Variants in ZFAND4 observed in about 807,000 individuals in gnomAD.
ZFAND4 encodes the protein AN1-type zinc finger protein 4.
A neutral mutation model predicts 64.4 loss-of-function variants in ZFAND4; 43 were observed. The observed-to-expected ratio is 0.67, with a 90% CI of 0.52 to 0.86. The LOEUF (loss-of-function observed/expected upper bound fraction) is 0.86, where lower values mean the gene tolerates loss of function less well. ZFAND4 is among the 40% of genes least tolerant of loss of function. The pLI is 0.00. For missense variants in ZFAND4, 929 were observed against 859.8 expected (o/e 1.08, Z -1.01); for synonymous variants, 296 against 305.7 (o/e 0.97, Z 0.33).
Position 45,626,953 on chromosome 10 carries a change from T to G in ZFAND4, c.870A>C (p.Glu290Asp), listed in dbSNP as rs2045877006. 1.2e-6 allele frequency: 2 copies of G among 1,614,062 alleles called. No individual in the cohort carries two copies. Among genetic ancestry groups the G allele is most frequent in the Admixed American group, 1.7e-5 (1 of 59,994 alleles). Residue 290 changes from glutamate (E) to aspartate (D), a missense_variant, in exon 7 of 10, where the codon GAA becomes GAC. Glu to Asp is a conservative substitution (Grantham distance 45, BLOSUM62 2). Transcript: ENST00000344646. The stretch of plus-strand genomic sequence containing the variant: ...AACTTGAAATTCCATTCCTGGAGAT[T>G]TCGGGCGGATATGCATTCCCAAAAG... ...SPAFGNAYPPEISRNGISSLA... is the reference protein window; with the variant it reads ...SPAFGNAYPPDISRNGISSLA...
intron 5 of ZFAND4, 73 bp from the exon 6 acceptor site, chr10:45,640,036 C>G (rs1014648119): frequency 1.3e-6 from 2 of 1,490,206 alleles, no homozygotes; most frequent in African/African-American, 2.8e-5. Context: ...CTATATGAAA[C>G]AGCAATCTAT....
chr10:45,651,615 GA>G (rs1307815266), intron 4 of ZFAND4: 1 of 476,404 alleles, frequency 2.1e-6, no homozygotes, highest in African/African-American at 2.0e-5. Context: ...ATCATCTTGG[GA>G]TTTGAAGATC....
intron 6 of ZFAND4, among the ~76,000 whole-genome samples, chr10:45,636,824 T>C (rs1319929569): frequency 1.3e-5 from 2 of 152,196 alleles, no homozygotes; most frequent in Non-Finnish European, 2.9e-5. Context: ...ACTGATTTTC[T>C]ATCTGTTCCA....
At chr10:45,658,938 G>A (rs1008495222) in intron 2 of ZFAND4, among the ~76,000 whole-genome samples, 4 of 152,184 alleles carry the variant, frequency 2.6e-5, no homozygotes, top group Admixed American at 2.0e-4. Flanking sequence ...TGCCATCAGA[G>A]AAATTAGGTA....
chr10:45,643,920 T>C (rs1265867860), intron 5 of ZFAND4, among the ~76,000 whole-genome samples: 1 of 152,092 alleles, frequency 6.6e-6, no homozygotes, highest in African/African-American at 2.4e-5. Flanking sequence ...TTGAAAAAAC[T>C]CAAAATAATG....
At chr10:45,658,922 T>C (rs931045446) in intron 2 of ZFAND4, among the ~76,000 whole-genome samples, 1 of 152,208 alleles carries the variant, frequency 6.6e-6, no homozygotes, top group African/African-American at 2.4e-5. Context: ...CAACAACTTT[T>C]CTTTGTGCCA....
intron 6 of ZFAND4, among the ~76,000 whole-genome samples, chr10:45,630,472 C>A (rs2046126724): frequency 6.6e-6 from 1 of 152,134 alleles, no homozygotes; most frequent in African/African-American, 2.4e-5. Context: ...TGGCTCACAC[C>A]TGTAATCCCA....
In ZFAND4 at chr10:45,626,840, AGT is replaced by A. The variant is rs767260688; in HGVS notation, c.981_982del (p.Leu328ValfsTer5). The A allele has an allele frequency of 1.5e-4, 242 of 1,614,104 alleles. No homozygotes were observed. Among genetic ancestry groups the A allele is most frequent in the Non-Finnish European group, 2.0e-4 (238 of 1,180,056 alleles). On this transcript the variant is annotated frameshift_variant, in exon 7 of 10. Transcript: ENST00000344646. LOFTEE classifies it high-confidence loss of function. ...TTTGACGTTGCTACTGAAGTGAGAC[AGT>A]GTGTTATTCTCCCAGCTATTATCTT...
At chr10:45,624,434 ATTC>A (rs1384781519) in intron 8 of ZFAND4, 146 bp downstream of exon 8, 2 of 629,970 alleles carry the variant, frequency 3.2e-6, no homozygotes, top group Admixed American at 3.1e-5. Flanking sequence ...TCTCATAATT[ATTC>A]TTAATTGGAA....
At chr10:45,620,025 A>C (rs989707955) in intron 8 of ZFAND4, among the ~76,000 whole-genome samples, 6 of 152,236 alleles carry the variant, frequency 3.9e-5, no homozygotes, top group Non-Finnish European at 8.8e-5. Context: ...AATGAATGTT[A>C]ATCTACTCGA....
intron 6 of ZFAND4, among the ~76,000 whole-genome samples, chr10:45,637,454 G>T (rs1022897448): frequency 6.6e-6 from 1 of 151,538 alleles, no homozygotes; most frequent in Non-Finnish European, 1.5e-5. Context: ...TATCAAAAAT[G>T]ATAATCATAA....
chr10:45,661,014 A>T (rs2048438026), intron 2 of ZFAND4, among the ~76,000 whole-genome samples: 1 of 152,198 alleles, frequency 6.6e-6, no homozygotes, highest in Non-Finnish European at 1.5e-5. Flanking sequence ...ATGTTAAAAG[A>T]CATTCTTCAC....
chr10:45,637,004 GA>G (rs58965939), intron 6 of ZFAND4, among the ~76,000 whole-genome samples: 38,098 of 120,224 alleles, frequency 0.32, 4,959 homozygotes, highest in Admixed American at 0.38. Flanking sequence ...TTCCCCATCA[GA>G]AAAAAAAAAA....
At chr10:45,632,587 A>G (rs2046300830) in intron 6 of ZFAND4, among the ~76,000 whole-genome samples, 1 of 152,204 alleles carries the variant, frequency 6.6e-6, no homozygotes. Flanking sequence ...AGAAGGTTAA[A>G]TAAGGAAAAG....
intron 6 of ZFAND4, among the ~76,000 whole-genome samples, chr10:45,632,390 A>G (rs1214157990): frequency 1.3e-5 from 2 of 152,160 alleles, no homozygotes; most frequent in Admixed American, 1.3e-4. Flanking sequence ...AAAAGGATGG[A>G]ATAAAATTAA....
intron 5 of ZFAND4, among the ~76,000 whole-genome samples, chr10:45,643,523 AG>A (rs2047169852): frequency 6.6e-6 from 1 of 151,830 alleles, no homozygotes; most frequent in Non-Finnish European, 1.5e-5. Flanking sequence ...ACAAAAAATT[AG>A]CTGGGCATGG....
At position 45,639,961 on chromosome 10, in the gene ZFAND4, C is replaced by G. The variant is rs761953293; in HGVS notation, c.572G>C (p.Gly191Ala). 1 of 1,602,150 alleles carries G rather than the reference C, an allele frequency of 6.2e-7. No individual in the cohort carries two copies. The highest frequency in any genetic ancestry group is 1.4e-5 in the African/African-American group (1 of 74,034). ...LRRKGEHRMS[G>A]GSMYNSDTDE... ...TGTATCTGAATTATACATAGAACCA[C>G]CACTGCAAAGAAAACAATAACTACT... Residue 191 changes from glycine (G) to alanine (A), a missense_variant and splice_region_variant, in exon 6 of 10, where the codon GGT (glycine) becomes GCT (alanine). Transcript: ENST00000344646.
At chr10:45,656,283 T>C (rs2048096861) in intron 2 of ZFAND4, among the ~76,000 whole-genome samples, 1 of 149,702 alleles carries the variant, frequency 6.7e-6, no homozygotes. Context: ...CCAATCCTAC[T>C]GAAACTATTC....
rs1209047744 is a variant in ZFAND4 at position 45,637,240 on chromosome 10, C to G, written c.717+2576G>C. ...CCTGTAGTCCCAGCTACTCAGGAGG[C>G]TGAGGCACGAGAATCACTTGAACCA... is the stretch of plus-strand genomic sequence containing the variant. On this transcript the variant is annotated intron_variant, in intron 6 of 9. Transcript: ENST00000344646. Among the ~76,000 whole-genome samples the G allele has an allele frequency of 2.0e-5, 3 of 150,536 alleles. No homozygotes were observed. In the East Asian group the frequency reaches 5.9e-4, roughly 30 times the overall value.
Sources: gnomAD v4.1 joint callset for allele counts (sites outside exome capture counted in the v4.1 genomes callset) on GRCh38, gnomAD v4.1.1 for gene constraint, MANE v1.5 for transcripts, NCBI Gene and HGNC (gene_info 2026-07-23, HGNC 2026-07-21) for gene names.